CTNND2: variants seen among roughly 807,000 people sequenced by gnomAD.
The protein encoded by CTNND2 is catenin delta 2.
Under a neutral mutation model 144.4 loss-of-function variants are expected in CTNND2, and 22 were observed. The observed-to-expected ratio is 0.15, with a 90% CI of 0.11 to 0.22. The LOEUF (loss-of-function observed/expected upper bound fraction) is 0.22, where lower values mean the gene tolerates loss of function less well. Among genes scored for constraint, CTNND2 ranks in the 10% least tolerant of loss-of-function variants. The pLI, the probability that CTNND2 is intolerant of heterozygous loss-of-function variation, is 1.00. For synonymous variants in CTNND2, 751 were observed against 695.6 expected, an observed-to-expected ratio of 1.08 and a Z score of -1.25; for missense variants, 1,353 against 1,618.8, an observed-to-expected ratio of 0.84 and a Z score of 2.82.
Position 11,262,752 on chromosome 5 carries a change from A to G in CTNND2, c.1629-25929T>C, listed in dbSNP as rs1745010246. On this transcript the variant is annotated intron_variant, in intron 9 of 21. Coordinates refer to ENST00000304623, the MANE Select transcript of CTNND2 (RefSeq NM_001332.4). ...ACTCCAGCCTGGGTGACAGAGTAAG[A>G]CTCTGTCTCAAAAAAAAAAAAAAAA... Among the ~76,000 whole-genome samples the G allele has an allele frequency of 5.5e-5, 6 of 109,618 alleles. No homozygotes were observed. In the Admixed American group the frequency reaches 6.6e-4, roughly 12 times the overall value. The allele number at this position is 109,618 out of a possible 152,430, so 71.9% of individuals were successfully genotyped here.
intron 3 of CTNND2, among the ~76,000 whole-genome samples, chr5:11,451,854 T>C (rs1251130396): frequency 1.3e-5 from 2 of 152,204 alleles, no homozygotes; most frequent in Non-Finnish European, 2.9e-5. Context: ...CATTCTTTCA[T>C]TAAAAAACAA....
At chr5:11,418,225 G>A (rs568366837) in intron 3 of CTNND2, among the ~76,000 whole-genome samples, 1 of 152,090 alleles carries the variant, frequency 6.6e-6, no homozygotes, top group African/African-American at 2.4e-5. Flanking sequence ...TTACCATCAT[G>A]GAGAAACCCC....
chr5:11,519,831 AG>A (rs990302886), intron 3 of CTNND2, among the ~76,000 whole-genome samples: 3 of 152,104 alleles, frequency 2.0e-5, no homozygotes, highest in African/African-American at 7.2e-5. Flanking sequence ...CCTGATAAGG[AG>A]TGACTGTTGA....
At chr5:11,806,271 G>A (rs545164869) in intron 1 of CTNND2, among the ~76,000 whole-genome samples, 2 of 152,202 alleles carry the variant, frequency 1.3e-5, no homozygotes, top group African/African-American at 4.8e-5. Context: ...TGGGATATAT[G>A]AGAACTTTGT....
At chr5:11,224,937 T>C (rs1036078104) in intron 10 of CTNND2, among the ~76,000 whole-genome samples, 1 of 152,208 alleles carries the variant, frequency 6.6e-6, no homozygotes, top group Non-Finnish European at 1.5e-5. Context: ...GAGGCTACTG[T>C]AGGTTACTGG....
chr5:11,170,607 T>C (rs1002499568), intron 11 of CTNND2, among the ~76,000 whole-genome samples: 1 of 151,896 alleles, frequency 6.6e-6, no homozygotes, highest in Non-Finnish European at 1.5e-5. Context: ...CACACACAGC[T>C]ACAACCTTCT....
intron 2 of CTNND2, among the ~76,000 whole-genome samples, chr5:11,682,106 G>C (rs1305063356): frequency 2.6e-5 from 4 of 152,218 alleles, no homozygotes; most frequent in Non-Finnish European, 5.9e-5. Context: ...TTGAGACACA[G>C]TGCAGAGTCA....
intron 15 of CTNND2, among the ~76,000 whole-genome samples, chr5:11,094,358 A>G (rs963295328): frequency 6.6e-6 from 1 of 152,116 alleles, no homozygotes; most frequent in Non-Finnish European, 1.5e-5. Flanking sequence ...GGTCTCTGAC[A>G]GTTTTTCTTT....
chr5:11,355,418 T>A (rs1018678523), intron 8 of CTNND2, among the ~76,000 whole-genome samples: 3 of 152,030 alleles, frequency 2.0e-5, no homozygotes, highest in Non-Finnish European at 2.9e-5. Flanking sequence ...AACCATATAA[T>A]CATTTCAATA....
At chr5:11,859,860 T>A (rs569862941) in intron 1 of CTNND2, among the ~76,000 whole-genome samples, 39 of 152,062 alleles carry the variant, frequency 2.6e-4, no homozygotes, top group African/African-American at 9.4e-4. Context: ...CTATTTTGTA[T>A]TCAGCACTCT....
In CTNND2 at chr5:11,358,739, G is replaced by A. The variant is rs76649879; in HGVS notation, c.1372+5957C>T. On this transcript the variant is annotated intron_variant, in intron 8 of 21. Coordinates refer to ENST00000304623, the MANE Select transcript of CTNND2 (RefSeq NM_001332.4). The stretch of plus-strand genomic sequence containing the variant: ...ACTGGCTATTCTTGCAGAGGATTAC[G>A]TTTTTTTTAGAGACTATTTTCTCTA... Among the ~76,000 whole-genome samples the A allele has an allele frequency of 2.3e-3, 347 of 151,572 alleles. 5 individuals are homozygous for A. In the East Asian group the frequency reaches 0.049, roughly 21 times the overall value.
chr5:11,470,980 A>ATATATATATATATATATATAT (rs1219093645), intron 3 of CTNND2, among the ~76,000 whole-genome samples: 39 of 91,508 alleles, frequency 4.3e-4, no homozygotes, highest in African/African-American at 7.5e-4. Flanking sequence ...ATATATATAT[A>ATATATATATATATATATATAT]TTTTTTTTTT....
rs145793735 is a variant in CTNND2 at position 11,564,088 on chromosome 5, G to A, written c.287+856C>T. ...AAGGTCATCAAGTTAGAAAGAGGGC[G>A]TGAGTCACTATATGGAGAAGAAGTA... On this transcript the variant is annotated intron_variant, in intron 3 of 21. Coordinates refer to ENST00000304623, the MANE Select transcript of CTNND2 (RefSeq NM_001332.4). 1.1e-4 allele frequency among the ~76,000 whole-genome samples: 16 copies of A among 152,308 alleles called. No individual in the cohort carries two copies. The East Asian group carries it at 2.5e-3, about 24-fold the overall frequency.
intron 9 of CTNND2, among the ~76,000 whole-genome samples, chr5:11,284,116 T>C (rs1290661921): frequency 6.6e-6 from 1 of 152,218 alleles, no homozygotes; most frequent in African/African-American, 2.4e-5. Context: ...AATGTGGTTC[T>C]GAGCCGCATC....
chr5:11,089,720 G>A (rs1212666118), intron 15 of CTNND2, among the ~76,000 whole-genome samples: 2 of 152,182 alleles, frequency 1.3e-5, no homozygotes, highest in Non-Finnish European at 2.9e-5. Context: ...GGTTTAAAAT[G>A]GTTACACAGC....
intron 9 of CTNND2, among the ~76,000 whole-genome samples, chr5:11,263,455 A>C (rs921053990): frequency 6.6e-6 from 1 of 152,160 alleles, no homozygotes; most frequent in African/African-American, 2.4e-5. Flanking sequence ...AGTCAATAAA[A>C]AAAGATATAA....
At chr5:11,453,323 A>G (rs553695337) in intron 3 of CTNND2, among the ~76,000 whole-genome samples, 1 of 152,314 alleles carries the variant, frequency 6.6e-6, no homozygotes, top group South Asian at 2.1e-4. Context: ...TGTTATCAAC[A>G]ATGACATATG....
intron 9 of CTNND2, among the ~76,000 whole-genome samples, chr5:11,313,206 T>C (rs1419420149): frequency 6.6e-6 from 1 of 152,136 alleles, no homozygotes; most frequent in Non-Finnish European, 1.5e-5. Flanking sequence ...CAAGAAGAGT[T>C]GTTGTTCAGA....
intron 9 of CTNND2, among the ~76,000 whole-genome samples, chr5:11,297,922 T>A (rs1580831376): frequency 1.3e-5 from 2 of 152,286 alleles, no homozygotes; most frequent in East Asian, 3.9e-4. Flanking sequence ...ATCATCCTAA[T>A]GTTAAAGTAA....
Sources: allele counts gnomAD v4.1 joint callset (sites outside exome capture counted in the v4.1 genomes callset), GRCh38; gene constraint gnomAD v4.1.1; transcripts MANE v1.5; gene names NCBI Gene and HGNC (gene_info 2026-07-23, HGNC 2026-07-21).